The following MAGI1 variants were observed in gnomAD, a reference collection of about 807,000 sequenced individuals.
The protein encoded by MAGI1 is membrane-associated guanylate kinase, WW and PDZ domain-containing protein 1.
A neutral mutation model predicts 139.9 loss-of-function variants in MAGI1; 58 were observed. The ratio of observed to expected loss-of-function variants is 0.41; its 90% CI spans 0.34 to 0.52. The LOEUF (loss-of-function observed/expected upper bound fraction) is 0.52, where lower values mean the gene tolerates loss of function less well. Ranked by LOEUF, MAGI1 falls within the 20% of genes least tolerant of loss-of-function variation. The pLI, the probability that MAGI1 is intolerant of heterozygous loss-of-function variation, is 0.12. For synonymous variants in MAGI1, 812 were observed against 737.9 expected, an observed-to-expected ratio of 1.10 and a Z score of -1.63; for missense variants, 1,874 against 1,901.6, an observed-to-expected ratio of 0.99 and a Z score of 0.27.
intron 1 of MAGI1, among the ~76,000 whole-genome samples, chr3:65,637,561 AAAG>A (rs2084706030): frequency 3.2e-5 from 1 of 31,420 alleles, no homozygotes; most frequent in Non-Finnish European, 7.6e-5. Context: ...CCAAAAAAAG[AAAG>A]AAAGAAAGAA....
At chr3:65,916,147 ACCTTTGCCTCCCGGGTTG>A (rs2061893556) in intron 1 of MAGI1, among the ~76,000 whole-genome samples, 1 of 151,964 alleles carries the variant, frequency 6.6e-6, no homozygotes, top group African/African-American at 2.4e-5. Flanking sequence ...GCTCACTGCA[ACCTTTGCCTCCCGGGTTG>A]ACGCGATTCT....
intron 1 of MAGI1, among the ~76,000 whole-genome samples, chr3:65,654,506 T>A (rs571233781): frequency 4.3e-4 from 65 of 152,294 alleles, no homozygotes; most frequent in African/African-American, 1.5e-3. Context: ...TGAAAAGCTT[T>A]CTCTGCCAGC....
chr3:65,781,204 A>G (rs1443282009), intron 1 of MAGI1, among the ~76,000 whole-genome samples: 2 of 152,114 alleles, frequency 1.3e-5, no homozygotes. Flanking sequence ...TCAAAAAAAA[A>G]AAGAACAAAA....
At chr3:65,748,867 G>A (rs148249392) in intron 1 of MAGI1, among the ~76,000 whole-genome samples, 4,185 of 152,224 alleles carry the variant, frequency 0.027, 94 homozygotes, top group Non-Finnish European at 0.043. Flanking sequence ...TAAGACTGGT[G>A]AAATGACACG....
chr3:65,941,418 T>C (rs768573888), intron 1 of MAGI1, among the ~76,000 whole-genome samples: 7 of 152,200 alleles, frequency 4.6e-5, no homozygotes, highest in Non-Finnish European at 1.0e-4. Context: ...CGGCATCAGA[T>C]TGCTCCAAAG....
At chr3:65,526,561 T>C (rs2078389147) in intron 2 of MAGI1, among the ~76,000 whole-genome samples, 1 of 152,230 alleles carries the variant, frequency 6.6e-6, no homozygotes, top group Non-Finnish European at 1.5e-5. Context: ...ATCCTCTTTA[T>C]GGAAATGCAG....
In MAGI1 at chr3:65,552,319, T is replaced by C. The variant is rs749845676; in HGVS notation, c.431-58688A>G. 6.4e-4 allele frequency among the ~76,000 whole-genome samples: 98 copies of C among 152,002 alleles called. 1 individual carries two copies. Among genetic ancestry groups the C allele is most frequent in the Non-Finnish European group, 1.1e-3 (74 of 68,010 alleles). ...ATTCCAATTTCCCAACATGAACATC[T>C]AATTATGCCAAATCTTATAAGCTTC... On this transcript the variant is annotated intron_variant, in intron 2 of 22. Transcript: ENST00000402939.
At position 66,038,423 on chromosome 3, in the gene MAGI1, A is replaced by C; in HGVS notation, c.-115T>G. On this transcript the variant is annotated 5_prime_UTR_variant, in exon 1 of 23. Coordinates refer to ENST00000402939, the MANE Select transcript of MAGI1 (RefSeq NM_001033057.2). The stretch of plus-strand genomic sequence containing the variant: ...GAAACATCTCTCCCCAAATCACAAA[A>C]CAGGAGAGAGAAACTTGGCAGCCTC... 5.1e-6 allele frequency: 7 copies of C among 1,372,542 alleles called. No individual in the cohort carries two copies. The highest frequency in any genetic ancestry group is 6.7e-6 in the Non-Finnish European group (7 of 1,037,292). 85.0% of individuals were successfully genotyped at this position (1,372,542 alleles called of 1,614,324 possible). A position where few individuals can be genotyped will look rare whatever the true frequency, so the allele number is the denominator to read the frequency against.
At chr3:65,796,418 G>A (rs1167413882) in intron 1 of MAGI1, among the ~76,000 whole-genome samples, 2 of 152,086 alleles carry the variant, frequency 1.3e-5, no homozygotes, top group Non-Finnish European at 2.9e-5. Context: ...AAATACCTGG[G>A]TACCGTGGCC....
At chr3:65,646,095 A>G (rs1027215782) in intron 1 of MAGI1, among the ~76,000 whole-genome samples, 1 of 152,156 alleles carries the variant, frequency 6.6e-6, no homozygotes, top group Non-Finnish European at 1.5e-5. Context: ...CACACCAATT[A>G]AAAGACAGAG....
chr3:65,911,232 G>A (rs1414958556), intron 1 of MAGI1, among the ~76,000 whole-genome samples: 1 of 151,926 alleles, frequency 6.6e-6, no homozygotes, highest in Non-Finnish European at 1.5e-5. Context: ...TTTGTCAAAT[G>A]AAAATAACTT....
chr3:65,587,616 G>A (rs1401372812), intron 2 of MAGI1, among the ~76,000 whole-genome samples: 1 of 151,136 alleles, frequency 6.6e-6, no homozygotes, highest in African/African-American at 2.4e-5. Context: ...AAGTAGCTAG[G>A]ACTACAGGCA....
rs114633338 is a variant in MAGI1, at chr3:65,854,809, G to A, written c.313+183187C>T. 8.0e-3 allele frequency among the ~76,000 whole-genome samples: 1,223 copies of A among 152,332 alleles called. 13 individuals are homozygous for A. Among genetic ancestry groups the A allele is most frequent in the African/African-American group, 0.028 (1,176 of 41,578 alleles). On this transcript the variant is annotated intron_variant, in intron 1 of 22. Transcript: ENST00000402939. The stretch of plus-strand genomic sequence containing the variant: ...CCAGGGTGCAAAGCCATGACAGATG[G>A]TCACACTACTGAAAGGGGAATACCT...
intron 1 of MAGI1, among the ~76,000 whole-genome samples, chr3:65,868,508 G>A (rs1220536132): frequency 6.6e-6 from 1 of 152,084 alleles, no homozygotes; most frequent in Non-Finnish European, 1.5e-5. Flanking sequence ...CCTGCACCCT[G>A]GAAAAATGCC....
intron 1 of MAGI1, among the ~76,000 whole-genome samples, chr3:65,815,665 ATTAC>A (rs1216400330): frequency 2.3e-4 from 35 of 152,150 alleles, no homozygotes; most frequent in Admixed American, 2.3e-3. Flanking sequence ...AATATATTTT[ATTAC>A]TTGTCATATA....
chr3:65,853,567 C>A (rs1251417643), intron 1 of MAGI1, among the ~76,000 whole-genome samples: 1 of 152,062 alleles, frequency 6.6e-6, no homozygotes, highest in African/African-American at 2.4e-5. Flanking sequence ...TCAGTTCTGC[C>A]CACACTAACC....
intron 1 of MAGI1, among the ~76,000 whole-genome samples, chr3:65,848,930 T>A (rs1402256744): frequency 6.6e-6 from 1 of 150,540 alleles, no homozygotes; most frequent in African/African-American, 2.4e-5. Context: ...GCCAGTGAGT[T>A]GTATGCAAAA....
At chr3:65,415,534 G>A (rs1946148279) in intron 12 of MAGI1, among the ~76,000 whole-genome samples, 1 of 152,184 alleles carries the variant, frequency 6.6e-6, no homozygotes, top group Non-Finnish European at 1.5e-5. Flanking sequence ...GATCACGCTG[G>A]AGACCCTCAC....
intron 1 of MAGI1, among the ~76,000 whole-genome samples, chr3:65,870,511 A>T (rs912214873): frequency 6.6e-6 from 1 of 151,902 alleles, no homozygotes; most frequent in African/African-American, 2.4e-5. Context: ...TAAAATGAGA[A>T]AGAGAGCAGG....
Sources: allele counts gnomAD v4.1 joint callset (sites outside exome capture counted in the v4.1 genomes callset), GRCh38; gene constraint gnomAD v4.1.1; transcripts MANE v1.5; gene names NCBI Gene and HGNC (gene_info 2026-07-23, HGNC 2026-07-21).